The following INPP5F variants were observed in gnomAD, a reference collection of about 807,000 sequenced individuals.
INPP5F encodes the protein phosphatidylinositide 4-phosphatase SAC2.
In INPP5F, 97 loss-of-function variants were observed where a neutral mutation model predicts 137.2. The ratio of observed to expected loss-of-function variants is 0.71; its 90% CI spans 0.60 to 0.84. The LOEUF is 0.84. Ranked by LOEUF, INPP5F falls within the 40% of genes least tolerant of loss-of-function variation. The pLI is 0.00. For synonymous variants in INPP5F, 504 were observed against 476.9 expected, an observed-to-expected ratio of 1.06 and a Z score of -0.74; for missense variants, 1,271 against 1,371.9, an observed-to-expected ratio of 0.93 and a Z score of 1.16.
intron 1 of INPP5F, among the ~76,000 whole-genome samples, chr10:119,730,115 T>G (rs182396673): frequency 1.7e-3 from 258 of 152,270 alleles, no homozygotes; most frequent in African/African-American, 6.0e-3. Flanking sequence ...TTCTTTTTTT[T>G]CTTTCTTTTT....
chr10:119,823,638 TTG>T (rs1383062500), intron 18 of INPP5F, among the ~76,000 whole-genome samples, 175 bp from the exon 19 acceptor site: 1 of 152,236 alleles, frequency 6.6e-6, no homozygotes, highest in African/African-American at 2.4e-5. Context: ...TGTTAGAACA[TTG>T]TGAATTAAGT....
chr10:119,826,526 A>G, intron 19 of INPP5F, 105 bp from the exon 20 acceptor site: 1 of 905,642 alleles, frequency 1.1e-6, no homozygotes, highest in Non-Finnish European at 1.7e-6. Flanking sequence ...ACTGTTTTCA[A>G]GAAGTTGGGA....
Position 119,827,127 on chromosome 10 carries a change from C to T in INPP5F, c.2746C>T (p.His916Tyr). The T allele has an allele frequency of 1.2e-6, 2 of 1,614,168 alleles. No homozygotes were observed. Among genetic ancestry groups the T allele is most frequent in the East Asian group, 2.2e-5 (1 of 44,884 alleles). The change falls in exon 20 of 20, where the codon CAT (histidine) becomes TAT (tyrosine). Residue 916 changes from histidine (H) to tyrosine (Y), a missense_variant. This residue lies in a region of INPP5F where 490 missense variants were observed against 443.7 expected (regional missense o/e 1.10). Coordinates refer to ENST00000650623, the MANE Select transcript of INPP5F (RefSeq NM_014937.4). ...QSLSSTDSSV[H>Y]APSEITVAHG... is the part of the protein sequence containing the mutation. ...TCTTAGCAGCACAGATAGTAGCGTTCATGCTCCTTCAGAGATTACTGTTGC... is the reference window on the plus strand; with the variant it reads ...TCTTAGCAGCACAGATAGTAGCGTTTATGCTCCTTCAGAGATTACTGTTGC...
Position 119,810,288 on chromosome 10 carries a change from CTTCA to C in INPP5F, c.1687+74_1687+77del, listed in dbSNP as rs1268042289. The C allele has an allele frequency of 1.2e-5, 9 of 782,574 alleles. No individual in the cohort carries two copies. The East Asian group carries it at 2.3e-4, about 20-fold the overall frequency. 48.5% of individuals were successfully genotyped at this position (782,574 alleles called of 1,614,324 possible). On this transcript the variant is annotated intron_variant, in intron 14 of 19. Coordinates refer to ENST00000650623, the MANE Select transcript of INPP5F (RefSeq NM_014937.4). Reference sequence around the variant, plus strand: ...GTGACTAATATTTTACAGAAACCAGCTTCATTAACATAATTCATATTTTGTAATA... The same window carrying C: ...GTGACTAATATTTTACAGAAACCAGCTTAACATAATTCATATTTTGTAATA...
chr10:119,819,605 T>A, intron 15 of INPP5F: 1 of 1,279,594 alleles, frequency 7.8e-7, no homozygotes, highest in Non-Finnish European at 1.1e-6. Flanking sequence ...TATGAAGCTG[T>A]CTGGATCGGT....
intron 2 of INPP5F, chr10:119,768,126 G>T (rs1849229825): frequency 6.6e-6 from 1 of 152,160 alleles, no homozygotes; most frequent in Admixed American, 6.5e-5. Flanking sequence ...ATAATCTGCA[G>T]AAGTCCTTCA....
rs369496807 is a variant in INPP5F, at chr10:119,806,432, C to G, written c.1392C>G (p.Arg464=). The change falls in exon 12 of 20, where the codon CGC becomes CGG. Residue 464 remains arginine (R), a synonymous_variant. Transcript: ENST00000650623. ...FRVNCMDCLD[R]TNVVQAAIAR... ...TTAATTGTATGGACTGCCTGGATCG[C>G]ACCAACGTGGTCCAAGCTGCCATCG... The G allele has an allele frequency of 4.4e-5, 71 of 1,610,132 alleles. No homozygotes were observed. Among genetic ancestry groups the G allele is most frequent in the Non-Finnish European group, 5.9e-5 (69 of 1,178,324 alleles).
At chr10:119,742,826 C>T (rs1046436387) in intron 1 of INPP5F, among the ~76,000 whole-genome samples, 3 of 152,132 alleles carry the variant, frequency 2.0e-5, no homozygotes, top group Non-Finnish European at 2.9e-5. Flanking sequence ...AACCTCGTCT[C>T]TACTAAAAAT....
At chr10:119,782,170 A>C (rs1372981729) in intron 3 of INPP5F, among the ~76,000 whole-genome samples, 2 of 152,162 alleles carry the variant, frequency 1.3e-5, no homozygotes, top group African/African-American at 2.4e-5. Context: ...TTTCTTGAAA[A>C]TTTTCTAAGC....
At chr10:119,789,819 C>T (rs1850072508) in intron 3 of INPP5F, among the ~76,000 whole-genome samples, 1 of 151,472 alleles carries the variant, frequency 6.6e-6, no homozygotes, top group Admixed American at 6.6e-5. Flanking sequence ...AGGGACCAAA[C>T]GTTGGGGCAC....
intron 15 of INPP5F, chr10:119,819,916 T>C (rs1020428211): frequency 6.2e-6 from 1 of 160,574 alleles, no homozygotes; most frequent in African/African-American, 2.4e-5. Context: ...ACTATTATTT[T>C]CTGCTTGTTA....
intron 15 of INPP5F, among the ~76,000 whole-genome samples, chr10:119,815,034 T>C (rs1389837268): frequency 6.6e-6 from 1 of 151,898 alleles, no homozygotes; most frequent in Non-Finnish European, 1.5e-5. Flanking sequence ...CCCGGCTAAT[T>C]TTTTGTATTT....
Position 119,819,456 on chromosome 10 carries a change from TTAG to T in INPP5F, c.1887-1383_1887-1381del, listed in dbSNP as rs780592912. 42 of 1,575,372 alleles carry T rather than the reference TTAG, an allele frequency of 2.7e-5. No homozygotes were observed. In the African/African-American group the frequency reaches 4.5e-4, roughly 17 times the overall value. On this transcript the variant is annotated intron_variant, in intron 15 of 19. Transcript: ENST00000650623. ...AGCTAGGATGAAAGTAACACTGTAA[TTAG>T]TAGTAGAATTTATTTCATATTAAAA...
intron 6 of INPP5F, among the ~76,000 whole-genome samples, chr10:119,796,325 A>G (rs1260521088): frequency 6.6e-6 from 1 of 152,226 alleles, no homozygotes; most frequent in Non-Finnish European, 1.5e-5. Context: ...AATCATAAAC[A>G]TTTGTTAAAT....
intron 6 of INPP5F, among the ~76,000 whole-genome samples, chr10:119,794,689 G>A (rs1429267987): frequency 4.7e-5 from 7 of 149,438 alleles, no homozygotes. Flanking sequence ...GGCTGGCCAG[G>A]CGGGGGGCTG....
At chr10:119,732,816 C>T (rs1204051670) in intron 1 of INPP5F, among the ~76,000 whole-genome samples, 1 of 152,166 alleles carries the variant, frequency 6.6e-6, no homozygotes, top group African/African-American at 2.4e-5. Flanking sequence ...ATCTCAGCTG[C>T]AACTGAGCAC....
In INPP5F at chr10:119,805,418, A is replaced by G; in HGVS notation, c.1276A>G (p.Thr426Ala). 2 of 1,613,506 alleles carry G rather than the reference A, an allele frequency of 1.2e-6. No individual in the cohort carries two copies. Among genetic ancestry groups the G allele is most frequent in the East Asian group, 4.5e-5 (2 of 44,860 alleles). Residue 426 changes from threonine (T) to alanine (A), a missense_variant, in exon 11 of 20, where the codon ACA (threonine) becomes GCA (alanine). Coordinates refer to ENST00000650623, the MANE Select transcript of INPP5F (RefSeq NM_014937.4). The stretch of plus-strand genomic sequence containing the variant: ...GAAGTTTGAGAATGTTCAGACACTA[A>G]CAGATGCCATTTATGACATTATTCT... ...GMKFENVQTLTDAIYDIILDM... is the reference protein window; with the variant it reads ...GMKFENVQTLADAIYDIILDM...
At chr10:119,795,971 G>C (rs1041652993) in intron 6 of INPP5F, among the ~76,000 whole-genome samples, 5 of 151,882 alleles carry the variant, frequency 3.3e-5, no homozygotes, top group Non-Finnish European at 5.9e-5. Flanking sequence ...GCAGGCACTC[G>C]GCAGGCTGAG....
intron 2 of INPP5F, among the ~76,000 whole-genome samples, chr10:119,769,701 C>T (rs1207624512): frequency 6.6e-6 from 1 of 152,180 alleles, no homozygotes; most frequent in Non-Finnish European, 1.5e-5. Flanking sequence ...ATCAGAGCTC[C>T]TGGTTCTCAA....
Sources: gnomAD v4.1 joint callset for allele counts (sites outside exome capture counted in the v4.1 genomes callset) on GRCh38, gnomAD v4.1.1 for gene constraint, gnomAD v4.1.1 regional missense constraint, MANE v1.5 for transcripts, NCBI Gene and HGNC (gene_info 2026-07-23, HGNC 2026-07-21) for gene names.